ZER1: variants seen among roughly 807,000 people sequenced by gnomAD.
ZER1 encodes the protein zyg-11 related cell cycle regulator, also known as protein zer-1 homolog.
ZER1 carries 11 observed loss-of-function variants against 78.8 expected under a neutral mutation model. That is an observed-to-expected ratio of 0.14 (90% confidence interval 0.09 to 0.23). ZER1 has a LOEUF of 0.23. Ranked by LOEUF, ZER1 falls within the 10% of genes least tolerant of loss-of-function variation. The probability of loss-of-function intolerance (pLI) is 1.00; values close to 1 mark genes in which losing one functional copy is unlikely to be tolerated. For missense variants in ZER1, 588 were observed against 996.9 expected, an observed-to-expected ratio of 0.59 and a Z score of 5.52; for synonymous variants, 400 against 407.0, an observed-to-expected ratio of 0.98 and a Z score of 0.21.
In ZER1 at chr9:128,753,526, G is replaced by A; in HGVS notation, c.384C>T (p.Ser128=). ...AKSLQTLRSF[S]HTLVSLSLFG... Reference sequence around the variant, plus strand: ...AGAGGCTCAAGGACACCAGGGTGTGGCTGAAGCTCCTCAGTGTCTGCAGGC... The same window carrying A: ...AGAGGCTCAAGGACACCAGGGTGTGACTGAAGCTCCTCAGTGTCTGCAGGC... Residue 128 remains serine (S), a synonymous_variant, in exon 4 of 16, where the codon AGC becomes AGT. Coordinates refer to ENST00000291900, the MANE Select transcript of ZER1 (RefSeq NM_006336.4). This position sits in a 1 kb window ranked among gnomAD's most constrained non-coding sequence, Gnocchi z 7.5. 6.2e-7 allele frequency: 1 copy of A among 1,614,054 alleles called. No homozygotes were observed. The highest frequency in any genetic ancestry group is 2.2e-5 in the East Asian group (1 of 44,886).
At position 128,729,920 on chromosome 9, in the gene ZER1, G is replaced by A. The variant is rs1862752695; in HGVS notation, c.*1417C>T. Reference sequence around the variant, plus strand: ...GGGCCGCTGAGCGTGGGAAGGAAGGGAGCGCCGCATGCAGCCCATCTGCCA... The same window carrying A: ...GGGCCGCTGAGCGTGGGAAGGAAGGAAGCGCCGCATGCAGCCCATCTGCCA... On this transcript the variant is annotated 3_prime_UTR_variant, in exon 16 of 16. Coordinates refer to ENST00000291900, the MANE Select transcript of ZER1 (RefSeq NM_006336.4). 6.5e-6 allele frequency: 1 copy of A among 152,706 alleles called. No homozygotes were observed. The highest frequency in any genetic ancestry group is 2.1e-4 in the South Asian group (1 of 4,840). 9.5% of individuals were successfully genotyped at this position (152,706 alleles called of 1,614,324 possible). A position where few individuals can be genotyped will look rare whatever the true frequency, so the allele number is the denominator to read the frequency against.
chr9:128,766,347 C>CAAA lies in ZER1; in HGVS notation c.-95+5231_-95+5233dup, dbSNP rs1190668112. ...CTGGCAACAGAGCAAGATTCCATCT[C>CAAA]AAAAAAAAAAAAAAAAAAAGAACTC... On this transcript the variant is annotated intron_variant, in intron 1 of 15. Coordinates refer to ENST00000291900, the MANE Select transcript of ZER1 (RefSeq NM_006336.4). 9.4e-5 allele frequency among the ~76,000 whole-genome samples: 5 copies of CAAA among 53,394 alleles called. No homozygotes were observed. The East Asian group carries it at 1.7e-3, about 19-fold the overall frequency. 35.0% of individuals were successfully genotyped at this position (53,394 alleles called of 152,430 possible).
intron 15 of ZER1, 39 bp from the exon 16 acceptor site, chr9:128,731,433 T>TGG: frequency 5.1e-6 from 2 of 395,062 alleles, no homozygotes; most frequent in Non-Finnish European, 1.0e-5. Context: ...AGGGTGGGCT[T>TGG]GGGTGGGGGT....
At position 128,753,128 on chromosome 9, in the gene ZER1, A is replaced by G; in HGVS notation, c.746+36T>C. The G allele has an allele frequency of 6.7e-7, 1 of 1,494,462 alleles. No homozygotes were observed. The highest frequency in any genetic ancestry group is 1.4e-5 in the African/African-American group (1 of 72,078). 92.6% of individuals were successfully genotyped at this position (1,494,462 alleles called of 1,614,324 possible). Reference sequence around the variant, plus strand: ...TCTACTCCTCCCCACCTGCCCCCCAAACCCCACCCTGGTGAGCTCTGGGCC... The same window carrying G: ...TCTACTCCTCCCCACCTGCCCCCCAGACCCCACCCTGGTGAGCTCTGGGCC... On this transcript the variant is annotated intron_variant, in intron 4 of 15. Coordinates refer to ENST00000291900, the MANE Select transcript of ZER1 (RefSeq NM_006336.4). This position sits in a 1 kb window ranked among gnomAD's most constrained non-coding sequence, Gnocchi z 7.5.
chr9:128,734,499 A>AT (rs907564614), intron 14 of ZER1, among the ~76,000 whole-genome samples: 53 of 143,804 alleles, frequency 3.7e-4, no homozygotes, highest in East Asian at 8.1e-4. Flanking sequence ...ACCCGGACTA[A>AT]TTTTTTTTTT....
Position 128,751,188 on chromosome 9 carries a change from C to T in ZER1, c.1119G>A (p.Arg373=). The part of the protein sequence containing the change: ...YTEHRPEITS[R]AINLLFDIAR... ...CGATGTCAAAAAGCAAGTTGATGGC[C>T]CGCGAGGTGATCTCAGGCCGGTGCT... The change falls in exon 7 of 16, where the codon CGG becomes CGA. Residue 373 remains arginine, a synonymous_variant. Coordinates refer to ENST00000291900, the MANE Select transcript of ZER1 (RefSeq NM_006336.4). The surrounding 1 kb of genome is among the most constrained non-coding windows in gnomAD (Gnocchi z 5.4). 6.2e-7 allele frequency: 1 copy of T among 1,609,000 alleles called. No individual in the cohort carries two copies. Among genetic ancestry groups the T allele is most frequent in the African/African-American group, 1.3e-5 (1 of 74,976 alleles).
At chr9:128,748,247 T>C (rs1863559894) in intron 8 of ZER1, among the ~76,000 whole-genome samples, 1 of 151,650 alleles carries the variant, frequency 6.6e-6, no homozygotes, top group Non-Finnish European at 1.5e-5. Context: ...CCACTAAAAA[T>C]ACAAAAACTT....
chr9:128,766,948 CT>C (rs1263293714), intron 1 of ZER1, among the ~76,000 whole-genome samples: 82 of 134,550 alleles, frequency 6.1e-4, no homozygotes, highest in African/African-American at 8.1e-4. Context: ...ATTTTTCTTT[CT>C]TTTTTTTTTT....
rs1863819350 is a variant in ZER1 at position 128,755,282 on chromosome 9, C to G, written c.158+126G>C. The G allele has an allele frequency of 3.2e-6, 4 of 1,238,252 alleles. No homozygotes were observed. Among genetic ancestry groups the G allele is most frequent in the Non-Finnish European group, 4.6e-6 (4 of 871,662 alleles). The allele number at this position is 1,238,252 out of a possible 1,614,324, so 76.7% of individuals were successfully genotyped here. ...TCTTGCAGCCATGAACATCCATGTG[C>G]ACACACACACACCCTCACACATTCA... is the stretch of plus-strand genomic sequence containing the variant. On this transcript the variant is annotated intron_variant, in intron 2 of 15. Coordinates refer to ENST00000291900, the MANE Select transcript of ZER1 (RefSeq NM_006336.4). The surrounding 1 kb of genome is among the most constrained non-coding windows in gnomAD (Gnocchi z 5.6).
intron 1 of ZER1, among the ~76,000 whole-genome samples, chr9:128,758,273 T>C (rs1413988006): frequency 2.0e-5 from 3 of 151,456 alleles, no homozygotes; most frequent in Non-Finnish European, 4.4e-5. Context: ...GCGTGCGCCA[T>C]CACGCCGGGC....
At position 128,755,305 on chromosome 9, in the gene ZER1, T is replaced by C. The variant is rs1044908769; in HGVS notation, c.158+103A>G. 2.7e-6 allele frequency: 4 copies of C among 1,494,942 alleles called. No individual in the cohort carries two copies. The highest frequency in any genetic ancestry group is 3.7e-6 in the Non-Finnish European group (4 of 1,088,912). 92.6% of individuals were successfully genotyped at this position (1,494,942 alleles called of 1,614,324 possible). A position where few individuals can be genotyped will look rare whatever the true frequency, so the allele number is the denominator to read the frequency against. ...TGCACACACACACACCCTCACACATTCATCTCCATAGCTACTCCCCACATA... is the reference window on the plus strand; with the variant it reads ...TGCACACACACACACCCTCACACATCCATCTCCATAGCTACTCCCCACATA... On this transcript the variant is annotated intron_variant, in intron 2 of 15. Coordinates refer to ENST00000291900, the MANE Select transcript of ZER1 (RefSeq NM_006336.4). The surrounding 1 kb of genome is among the most constrained non-coding windows in gnomAD (Gnocchi z 5.6).
chr9:128,761,603 G>GTTTTT (rs1180495331), intron 1 of ZER1, among the ~76,000 whole-genome samples: 4 of 107,370 alleles, frequency 3.7e-5, no homozygotes, highest in Admixed American at 9.8e-5. Flanking sequence ...CCCATAATTT[G>GTTTTT]TTTTTTTTTT....
intron 14 of ZER1, among the ~76,000 whole-genome samples, chr9:128,734,142 A>ATATATAT (rs1372132455): frequency 5.1e-5 from 1 of 19,644 alleles, no homozygotes; most frequent in African/African-American, 1.2e-4. Flanking sequence ...AAAAAAAAAA[A>ATATATAT]AAATATATAT....
chr9:128,734,200 T>C (rs1862976417), intron 14 of ZER1, among the ~76,000 whole-genome samples: 1 of 109,406 alleles, frequency 9.1e-6, no homozygotes, highest in African/African-American at 3.0e-5. Context: ...ATATAATAGA[T>C]ATAATTTTTT....
Position 128,740,831 on chromosome 9 carries a change from C to T in ZER1, c.1794G>A (p.Val598=). ...GAGGCCTCAGCTCCTTCACTTCTGC[C>T]ACATTCCCCAAAAGTCCTAGCATAT... is the stretch of plus-strand genomic sequence containing the variant. ...HRNMLGLLGN[V]AEVKELRPQL... The change falls in exon 12 of 16, where the codon GTG becomes GTA. Residue 598 remains valine, a synonymous_variant. Transcript: ENST00000291900. This position sits in a 1 kb window ranked among gnomAD's most constrained non-coding sequence, Gnocchi z 4.4. 1.3e-6 allele frequency: 1 copy of T among 781,076 alleles called. No homozygotes were observed. The highest frequency in any genetic ancestry group is 2.4e-6 in the Non-Finnish European group (1 of 418,132). 48.4% of individuals were successfully genotyped at this position (781,076 alleles called of 1,614,324 possible). A position where few individuals can be genotyped will look rare whatever the true frequency, so the allele number is the denominator to read the frequency against.
chr9:128,737,611 T>A (rs909579308), intron 13 of ZER1, among the ~76,000 whole-genome samples: 3 of 152,228 alleles, frequency 2.0e-5, no homozygotes, highest in African/African-American at 7.2e-5. Flanking sequence ...TAATGAAATC[T>A]GTGCATAGAA....
At chr9:128,756,407 C>T (rs530029478) in intron 1 of ZER1, among the ~76,000 whole-genome samples, 18 of 152,184 alleles carry the variant, frequency 1.2e-4, no homozygotes, top group Admixed American at 7.9e-4. Flanking sequence ...CCAGCCTGGG[C>T]GACAGAGTGA....
rs1234538655 is a variant in ZER1, at chr9:128,740,137, G to A, written c.1854-18C>T. 3.8e-6 allele frequency: 6 copies of A among 1,571,524 alleles called. No individual in the cohort carries two copies. The highest frequency in any genetic ancestry group is 1.7e-4 in the Middle Eastern group (1 of 5,920). On this transcript the variant is annotated intron_variant, in intron 12 of 15. Transcript: ENST00000291900. This position sits in a 1 kb window ranked among gnomAD's most constrained non-coding sequence, Gnocchi z 4.4. The stretch of plus-strand genomic sequence containing the variant: ...ACAGGTTGCTGCCAGGAGAAAGACA[G>A]AAAAATGGAGTCCCACTCCCCCAGT...
chr9:128,739,142 A>G (rs1863199021), intron 13 of ZER1, among the ~76,000 whole-genome samples: 1 of 151,722 alleles, frequency 6.6e-6, no homozygotes, highest in Non-Finnish European at 1.5e-5. Context: ...GAACCACTGC[A>G]CCTGGCCTGA....
Sources: gnomAD v4.1 joint callset for allele counts (sites outside exome capture counted in the v4.1 genomes callset) on GRCh38, gnomAD v4.1.1 for gene constraint, Gnocchi (gnomAD v3.1) non-coding constraint, MANE v1.5 for transcripts, NCBI Gene and HGNC (gene_info 2026-07-23, HGNC 2026-07-21) for gene names.